Variants in FN3K observed in about 807,000 individuals in gnomAD.
FN3K encodes fructosamine-3-kinase.
In FN3K, 24 loss-of-function variants were observed where a neutral mutation model predicts 24.8. That is an observed-to-expected ratio of 0.97 (90% CI 0.70 to 1.36). The LOEUF is 1.36. FN3K is among the 40% of genes most tolerant of loss of function. The pLI is 0.00. For synonymous variants in FN3K, 192 were observed against 175.2 expected (o/e 1.10, Z -0.76); for missense variants, 449 against 416.7 (o/e 1.08, Z -0.67).
intron 2 of FN3K, 27 bp downstream of exon 2, chr17:82,738,667 C>G: frequency 6.2e-7 from 1 of 1,612,302 alleles, no homozygotes; most frequent in Non-Finnish European, 8.5e-7. Context: ...CCCATATGCG[C>G]ACATGTGTAC....
chr17:82,746,110 A>C (rs2046967308), intron 4 of FN3K, among the ~76,000 whole-genome samples: 1 of 151,344 alleles, frequency 6.6e-6, no homozygotes, highest in South Asian at 2.1e-4. Context: ...AAAAAAAAAA[A>C]AACTACCAAA....
chr17:82,743,915 T>C (rs1043947075), intron 4 of FN3K, among the ~76,000 whole-genome samples: 2 of 152,302 alleles, frequency 1.3e-5, no homozygotes, highest in Admixed American at 6.5e-5. Flanking sequence ...GCTTGGAGGA[T>C]CACAGCCCCT....
At chr17:82,738,691 C>T in intron 2 of FN3K, 51 bp downstream of exon 2, 1 of 1,603,524 alleles carries the variant, frequency 6.2e-7, no homozygotes, top group Non-Finnish European at 8.5e-7. Flanking sequence ...CAGAGAGAGA[C>T]TCAGAGACAA....
chr17:82,748,309 G>A (rs1200609477), intron 4 of FN3K, among the ~76,000 whole-genome samples: 9 of 151,828 alleles, frequency 5.9e-5, no homozygotes, highest in South Asian at 2.1e-4. Context: ...CACCATGCCC[G>A]GCTAATTTTG....
intron 3 of FN3K, 140 bp downstream of exon 3, chr17:82,740,994 A>G: frequency 1.4e-6 from 1 of 699,530 alleles, no homozygotes; most frequent in Non-Finnish European, 2.6e-6. Flanking sequence ...TATGAAAATG[A>G]GATTATTAAA....
intron 4 of FN3K, among the ~76,000 whole-genome samples, chr17:82,747,948 G>T (rs905152593): frequency 4.6e-5 from 7 of 152,292 alleles, no homozygotes; most frequent in African/African-American, 1.7e-4. Context: ...GGGCACCATT[G>T]AGTCAATAGC....
Position 82,738,586 on chromosome 17 carries a change from C to G in FN3K, c.239C>G (p.Pro80Arg). ...AGGCCCATGAAGGTCATCGACCTGC[C>G]GGGAGGTGGGGCCGCCTTTGTGATG... ...VPRPMKVIDL[P>R]GGGAAFVMEH... is the part of the protein sequence containing the mutation. The change falls in exon 2 of 6, where the codon CCG becomes CGG. Residue 80 changes from proline (P) to arginine (R), a missense_variant. Physicochemically the swap from Pro to Arg is moderately radical, Grantham distance 103 (BLOSUM62 -2). Coordinates refer to ENST00000300784, the MANE Select transcript of FN3K (RefSeq NM_022158.4). 6.2e-7 allele frequency: 1 copy of G among 1,613,984 alleles called. No homozygotes were observed. Among genetic ancestry groups the G allele is most frequent in the South Asian group, 1.1e-5 (1 of 91,074 alleles).
intron 5 of FN3K, 52 bp downstream of exon 5, chr17:82,749,029 G>A (rs765140490): frequency 2.6e-5 from 42 of 1,612,292 alleles, no homozygotes; most frequent in Non-Finnish European, 3.3e-5. Flanking sequence ...TCATGATCCC[G>A]CCGCATTTGT....
intron 4 of FN3K, among the ~76,000 whole-genome samples, chr17:82,744,685 T>A (rs2046958535): frequency 6.6e-6 from 1 of 152,124 alleles, no homozygotes; most frequent in Non-Finnish European, 1.5e-5. Context: ...CGCCAGCCTC[T>A]GAGTTCCCTT....
At chr17:82,738,869 G>A (rs1229799177) in intron 2 of FN3K, among the ~76,000 whole-genome samples, 1 of 141,690 alleles carries the variant, frequency 7.1e-6, no homozygotes, top group East Asian at 2.0e-4. Context: ...GTATGTGACT[G>A]GTTTTCCTAG....
intron 4 of FN3K, 61 bp downstream of exon 4, chr17:82,741,454 G>A: frequency 1.4e-6 from 2 of 1,409,874 alleles, no homozygotes; most frequent in South Asian, 2.4e-5. Flanking sequence ...CTCTTTATAT[G>A]TGACAGAATG....
intron 4 of FN3K, among the ~76,000 whole-genome samples, chr17:82,742,030 C>T (rs1207315712): frequency 6.6e-6 from 1 of 152,158 alleles, no homozygotes; most frequent in African/African-American, 2.4e-5. Flanking sequence ...GTCTCAGCCT[C>T]TCAAGTAGCT....
rs1323102125 is a variant in FN3K at position 82,738,559 on chromosome 17, C to T, written c.212C>T (p.Pro71Leu). Residue 71 changes from proline to leucine, a missense_variant, in exon 2 of 6, where the codon CCG becomes CTG. By Grantham distance (98) the Pro-to-Leu change is moderately conservative. Coordinates refer to ENST00000300784, the MANE Select transcript of FN3K (RefSeq NM_022158.4). ...AGGAGCACGGGCCTGGTGCGGGTGC[C>T]GAGGCCCATGAAGGTCATCGACCTG... ...ALRSTGLVRV[P>L]RPMKVIDLPG... The T allele has an allele frequency of 2.5e-5, 41 of 1,612,928 alleles. No homozygotes were observed. Among genetic ancestry groups the T allele is most frequent in the Admixed American group, 3.3e-5 (2 of 59,936 alleles).
At chr17:82,740,631 G>C in intron 2 of FN3K, 132 bp from the exon 3 acceptor site, 1 of 668,098 alleles carries the variant, frequency 1.5e-6, no homozygotes, top group Non-Finnish European at 2.7e-6. Context: ...TCATTGCCTG[G>C]TGTTCACTTT....
chr17:82,739,078 G>T (rs934890012), intron 2 of FN3K, among the ~76,000 whole-genome samples: 5 of 150,886 alleles, frequency 3.3e-5, no homozygotes, highest in Non-Finnish European at 7.4e-5. Context: ...CTCCTGAGTA[G>T]CTGGGACTAC....
chr17:82,741,228 A>T (rs1365307722), intron 3 of FN3K, 83 bp from the exon 4 acceptor site: 1 of 1,263,598 alleles, frequency 7.9e-7, no homozygotes, highest in Non-Finnish European at 1.1e-6. Context: ...TGCGTAGCCC[A>T]GGCTTGTACT....
chr17:82,741,633 C>A, intron 4 of FN3K: 1 of 478,462 alleles, frequency 2.1e-6, no homozygotes, highest in South Asian at 2.0e-5. Flanking sequence ...GAGCGAGCCT[C>A]AAGTGCAAAG....
chr17:82,748,939 G>A lies in FN3K; in HGVS notation c.553G>A (p.Ala185Thr), dbSNP rs2046984473. 6.2e-7 allele frequency: 1 copy of A among 1,614,092 alleles called. No homozygotes were observed. Among genetic ancestry groups the A allele is most frequent in the Non-Finnish European group, 8.5e-7 (1 of 1,180,046 alleles). The stretch of plus-strand genomic sequence containing the variant: ...GCTGGACCTCATTGAGAAGGACTAT[G>A]CTGACCGAGAGGCACGAGAACTCTG... ...AQLDLIEKDYADREARELWSR... is the reference protein window; with the variant it reads ...AQLDLIEKDYTDREARELWSR... Residue 185 changes from alanine (A) to threonine (T), a missense_variant, in exon 5 of 6, where the codon GCT becomes ACT. Coordinates refer to ENST00000300784, the MANE Select transcript of FN3K (RefSeq NM_022158.4).
At chr17:82,739,134 G>C (rs2046925818) in intron 2 of FN3K, among the ~76,000 whole-genome samples, 1 of 151,270 alleles carries the variant, frequency 6.6e-6, no homozygotes, top group Non-Finnish European at 1.5e-5. Flanking sequence ...TTTTAGTAGA[G>C]ATGGGGTTTC....
Sources: allele counts gnomAD v4.1 joint callset (sites outside exome capture counted in the v4.1 genomes callset), GRCh38; gene constraint gnomAD v4.1.1; transcripts MANE v1.5; gene names NCBI Gene and HGNC (gene_info 2026-07-23, HGNC 2026-07-21).